Variants in MTDH observed in about 807,000 individuals in gnomAD.
MTDH encodes the protein metadherin.
Under a neutral mutation model 72.7 loss-of-function variants are expected in MTDH, and 34 were observed. The ratio of observed to expected loss-of-function variants is 0.47; its 90% confidence interval spans 0.36 to 0.62. The LOEUF is 0.62. MTDH is among the 20% of genes least tolerant of loss of function. MTDH has a pLI of 0.00. For missense variants in MTDH, 677 were observed against 699.4 expected (o/e 0.97, Z 0.36); for synonymous variants, 266 against 268.9 (o/e 0.99, Z 0.10).
chr8:97,649,317 C>T (rs747076307), intron 1 of MTDH, among the ~76,000 whole-genome samples: 1 of 152,192 alleles, frequency 6.6e-6, no homozygotes, highest in Non-Finnish European at 1.5e-5. Context: ...CTAACATCAT[C>T]CTAACTAGTT....
At chr8:97,691,267 A>G in intron 6 of MTDH, 79 bp downstream of exon 6, 1 of 1,027,622 alleles carries the variant, frequency 9.7e-7, no homozygotes, top group Non-Finnish European at 1.4e-6. Flanking sequence ...AATAGAAAAA[A>G]AAACTATGAA....
At chr8:97,666,769 T>G (rs1246060526) in intron 2 of MTDH, among the ~76,000 whole-genome samples, 1 of 152,150 alleles carries the variant, frequency 6.6e-6, no homozygotes, top group Admixed American at 6.5e-5. Context: ...ACGATCTCAC[T>G]CACTGCAGCC....
rs1257643410 is a variant in MTDH at position 97,699,830 on chromosome 8, C to A, written c.1125C>A (p.Ile375=). Residue 375 remains isoleucine, a synonymous_variant, in exon 7 of 12, where the codon ATC becomes ATA. Transcript: ENST00000336273. ...QWDVSRNQPY[I]DDEWSGLNGL... is the part of the protein sequence containing the mutation. ...ATGTTAGCCGTAATCAACCCTATAT[C>A]GATGATGAATGGTCTGGGTTAAGTA... 4 of 1,611,636 alleles carry A rather than the reference C, an allele frequency of 2.5e-6. No homozygotes were observed. The highest frequency in any genetic ancestry group is 3.4e-6 in the Non-Finnish European group (4 of 1,178,228).
chr8:97,696,227 G>T (rs974326414), intron 6 of MTDH: 1 of 985,152 alleles, frequency 1.0e-6, no homozygotes, highest in African/African-American at 1.7e-5. Context: ...TGTGGATAGG[G>T]GAATGAATAC....
At chr8:97,645,003 A>C (rs1488109147) in intron 1 of MTDH, 116 bp downstream of exon 1, 1 of 1,215,320 alleles carries the variant, frequency 8.2e-7, no homozygotes, top group Non-Finnish European at 1.1e-6. Flanking sequence ...TCGAAAGCCG[A>C]GAGGCAGCAC....
At chr8:97,654,825 C>T (rs1426558925) in intron 1 of MTDH, among the ~76,000 whole-genome samples, 2 of 152,160 alleles carry the variant, frequency 1.3e-5, no homozygotes, top group African/African-American at 2.4e-5. Context: ...TCTGGCCAGG[C>T]ACAGTTGCTC....
At chr8:97,662,317 G>T (rs572019103) in intron 2 of MTDH, among the ~76,000 whole-genome samples, 68 of 150,426 alleles carry the variant, frequency 4.5e-4, no homozygotes, top group African/African-American at 1.6e-3. Flanking sequence ...GATTACAGGC[G>T]TGAGGTACCA....
intron 7 of MTDH, among the ~76,000 whole-genome samples, chr8:97,701,908 A>T (rs1335259163): frequency 6.6e-6 from 1 of 152,218 alleles, no homozygotes; most frequent in East Asian, 1.9e-4. Flanking sequence ...CAGAAACACC[A>T]TCTTCCTCAA....
At chr8:97,655,980 T>C (rs1811954140) in intron 1 of MTDH, among the ~76,000 whole-genome samples, 1 of 152,194 alleles carries the variant, frequency 6.6e-6, no homozygotes. Flanking sequence ...TGATTAAATA[T>C]GGAAGTTAAG....
intron 9 of MTDH, among the ~76,000 whole-genome samples, chr8:97,714,203 G>T (rs1217938600): frequency 1.3e-5 from 2 of 151,910 alleles, no homozygotes; most frequent in South Asian, 2.1e-4. Flanking sequence ...TGCTTTTTTG[G>T]CATCTACCCA....
At chr8:97,693,630 C>A (rs2131016165) in intron 6 of MTDH, among the ~76,000 whole-genome samples, 1 of 152,244 alleles carries the variant, frequency 6.6e-6, no homozygotes, top group Non-Finnish European at 1.5e-5. Flanking sequence ...CCAGCCGTTT[C>A]TTGGTCATTT....
chr8:97,699,703 A>T, intron 6 of MTDH, 51 bp from the exon 7 acceptor site: 1 of 1,236,170 alleles, frequency 8.1e-7, no homozygotes, highest in Non-Finnish European at 1.2e-6. Flanking sequence ...GTTATGAAAC[A>T]TCATTAGGAA....
intron 8 of MTDH, among the ~76,000 whole-genome samples, chr8:97,707,856 A>T (rs1195630802): frequency 6.6e-6 from 1 of 151,434 alleles, no homozygotes; most frequent in Non-Finnish European, 1.5e-5. Context: ...CCCATCTCTT[A>T]AAAAAGAAAA....
intron 2 of MTDH, among the ~76,000 whole-genome samples, chr8:97,683,884 G>A (rs948647267): frequency 6.6e-6 from 1 of 152,076 alleles, no homozygotes; most frequent in African/African-American, 2.4e-5. Flanking sequence ...GGCCGAGGCG[G>A]GTGGATCACC....
chr8:97,656,131 G>GT (rs1326845931), intron 1 of MTDH, among the ~76,000 whole-genome samples: 12 of 151,886 alleles, frequency 7.9e-5, no homozygotes, highest in Admixed American at 7.9e-4. Flanking sequence ...TACATGTTGT[G>GT]GCTAGAAATA....
chr8:97,664,840 C>A (rs1812316032), intron 2 of MTDH, among the ~76,000 whole-genome samples: 1 of 152,022 alleles, frequency 6.6e-6, no homozygotes, highest in African/African-American at 2.4e-5. Flanking sequence ...CAGCTCACTG[C>A]AACCTCCGCC....
chr8:97,688,063 A>G (rs1813437013), intron 4 of MTDH, among the ~76,000 whole-genome samples: 1 of 152,150 alleles, frequency 6.6e-6, no homozygotes, highest in African/African-American at 2.4e-5. Context: ...TGAGAATATT[A>G]TAGATGTTTG....
intron 2 of MTDH, among the ~76,000 whole-genome samples, chr8:97,678,102 C>T (rs1812928711): frequency 6.6e-6 from 1 of 152,186 alleles, no homozygotes; most frequent in South Asian, 2.1e-4. Flanking sequence ...ATGTTTCTAA[C>T]ATTAAAGCTT....
At chr8:97,682,280 ATTTTTTTTTTTTTTTT>A (rs1175139487) in intron 2 of MTDH, among the ~76,000 whole-genome samples, 1 of 3,630 alleles carries the variant, frequency 2.8e-4, no homozygotes, top group Non-Finnish European at 5.5e-4. Flanking sequence ...ATATATATAT[ATTTTTTTTTTTTTTTT>A]TTTTTTTTTT....
Sources: allele counts gnomAD v4.1 joint callset (sites outside exome capture counted in the v4.1 genomes callset), GRCh38; gene constraint gnomAD v4.1.1; transcripts MANE v1.5; gene names NCBI Gene and HGNC (gene_info 2026-07-23, HGNC 2026-07-21).